NKAIN3: variants seen among roughly 807,000 people sequenced by gnomAD.
NKAIN3 encodes the protein sodium/potassium-transporting ATPase subunit beta-1-interacting protein 3.
In NKAIN3, 25 loss-of-function variants were observed where a neutral mutation model predicts 30.2. That is an observed-to-expected ratio of 0.83 (90% CI 0.60 to 1.16). The LOEUF is 1.16. NKAIN3 is among the 50% of genes most tolerant of loss of function. The probability of loss-of-function intolerance (pLI) is 0.00; values close to 1 mark genes in which losing one functional copy is unlikely to be tolerated. For synonymous variants in NKAIN3, 91 were observed against 89.6 expected (o/e 1.02, Z -0.09); for missense variants, 225 against 254.1 (o/e 0.89, Z 0.78).
chr8:62,565,308 G>T (rs1809714788), intron 1 of NKAIN3, among the ~76,000 whole-genome samples: 1 of 151,794 alleles, frequency 6.6e-6, no homozygotes, highest in African/African-American at 2.4e-5. Context: ...ATGTCCATAT[G>T]TATGTATGTA....
intron 1 of NKAIN3, among the ~76,000 whole-genome samples, chr8:62,435,613 G>A (rs905932376): frequency 8.5e-5 from 13 of 152,072 alleles, no homozygotes; most frequent in Admixed American, 7.2e-4. Flanking sequence ...CTGTGAGCAC[G>A]TATAAGGAGT....
chr8:62,918,753 T>G (rs1399211667), intron 5 of NKAIN3, among the ~76,000 whole-genome samples: 1 of 152,180 alleles, frequency 6.6e-6, no homozygotes, highest in Non-Finnish European at 1.5e-5. Flanking sequence ...GGACAAGGAC[T>G]GCTGTCATAT....
chr8:62,762,033 T>C (rs867977418), intron 4 of NKAIN3, among the ~76,000 whole-genome samples: 50 of 152,286 alleles, frequency 3.3e-4, no homozygotes, highest in African/African-American at 1.1e-3. Flanking sequence ...GGAAGTAGCA[T>C]TGCTGGACAT....
chr8:62,515,287 GTATA>G (rs1394902282), intron 1 of NKAIN3, among the ~76,000 whole-genome samples: 1 of 152,084 alleles, frequency 6.6e-6, no homozygotes, highest in Non-Finnish European at 1.5e-5. Context: ...CAAATAAAAA[GTATA>G]TATATTTATT....
intron 3 of NKAIN3, among the ~76,000 whole-genome samples, chr8:62,739,756 A>G (rs1200088156): frequency 1.3e-5 from 2 of 152,210 alleles, no homozygotes; most frequent in East Asian, 3.9e-4. Context: ...TCTATAATTA[A>G]TGGTAAAGAA....
intron 1 of NKAIN3, among the ~76,000 whole-genome samples, chr8:62,407,289 A>G (rs1040957284): frequency 3.3e-4 from 49 of 150,354 alleles, no homozygotes; most frequent in African/African-American, 8.5e-4. Context: ...ATATGTGTGT[A>G]TATATATATA....
chr8:62,705,282 AG>A (rs1486969546), intron 3 of NKAIN3, among the ~76,000 whole-genome samples: 1 of 152,206 alleles, frequency 6.6e-6, no homozygotes, highest in African/African-American at 2.4e-5. Flanking sequence ...TAAGAATTTC[AG>A]AGTTTAGTCT....
chr8:62,253,875 A>G (rs888038578), intron 1 of NKAIN3, among the ~76,000 whole-genome samples: 1 of 152,186 alleles, frequency 6.6e-6, no homozygotes, highest in Non-Finnish European at 1.5e-5. Context: ...CTATGTATTT[A>G]TACTGATACT....
chr8:62,621,001 G>A (rs74922117), intron 3 of NKAIN3, among the ~76,000 whole-genome samples: 4,483 of 152,232 alleles, frequency 0.029, 91 homozygotes, highest in Non-Finnish European at 0.042. Context: ...CTGAAACTAA[G>A]AGGCCTGGTA....
intron 1 of NKAIN3, among the ~76,000 whole-genome samples, chr8:62,270,407 C>A (rs376243075): frequency 6.6e-6 from 1 of 151,932 alleles, no homozygotes; most frequent in African/African-American, 2.4e-5. Context: ...GTACTTTCAG[C>A]TCATATGCAA....
At chr8:62,435,373 T>C (rs1318654226) in intron 1 of NKAIN3, among the ~76,000 whole-genome samples, 1 of 152,052 alleles carries the variant, frequency 6.6e-6, no homozygotes, top group Non-Finnish European at 1.5e-5. Flanking sequence ...CGTGTACTCT[T>C]ACCAAAAACC....
intron 1 of NKAIN3, among the ~76,000 whole-genome samples, chr8:62,385,023 T>A (rs1478736255): frequency 6.6e-6 from 1 of 152,136 alleles, no homozygotes; most frequent in Non-Finnish European, 1.5e-5. Flanking sequence ...TTTATTCATT[T>A]TGGGACCCTC....
At chr8:62,987,953 A>G (rs533683603), downstream of NKAIN3, among the ~76,000 whole-genome samples, 37 of 152,264 alleles carry the variant, frequency 2.4e-4, no homozygotes, top group Non-Finnish European at 5.1e-4. Context: ...CAAGGGGAGT[A>G]CAGGCATTGG....
intron 1 of NKAIN3, among the ~76,000 whole-genome samples, chr8:62,376,801 T>A (rs11779717): frequency 6.6e-6 from 1 of 152,158 alleles, no homozygotes; most frequent in African/African-American, 2.4e-5. Context: ...TAGGATAATT[T>A]AAATAGTAAA....
intron 4 of NKAIN3, among the ~76,000 whole-genome samples, chr8:62,752,985 G>A (rs997082701): frequency 6.6e-6 from 1 of 152,128 alleles, no homozygotes; most frequent in African/African-American, 2.4e-5. Flanking sequence ...CTCCAAGATT[G>A]TAACTCTATC....
At chr8:62,278,450 A>G (rs1258840550) in intron 1 of NKAIN3, among the ~76,000 whole-genome samples, 1 of 151,804 alleles carries the variant, frequency 6.6e-6, no homozygotes, top group Non-Finnish European at 1.5e-5. Flanking sequence ...ACATATGTAT[A>G]CATGTGCCAT....
At chr8:62,491,948 G>A (rs891405642) in intron 1 of NKAIN3, among the ~76,000 whole-genome samples, 14 of 152,192 alleles carry the variant, frequency 9.2e-5, no homozygotes, top group South Asian at 2.1e-4. Flanking sequence ...AGTAATGTCC[G>A]TTGTTCCTGA....
chr8:62,333,243 G>C (rs918679395), intron 1 of NKAIN3, among the ~76,000 whole-genome samples: 1 of 151,864 alleles, frequency 6.6e-6, no homozygotes, highest in Non-Finnish European at 1.5e-5. Flanking sequence ...TTGAATTTGT[G>C]GTTCATTTCA....
intron 3 of NKAIN3, among the ~76,000 whole-genome samples, chr8:62,723,874 A>C (rs1442130673): frequency 6.6e-6 from 1 of 152,168 alleles, no homozygotes; most frequent in Non-Finnish European, 1.5e-5. Flanking sequence ...AATCACAGAT[A>C]AGAGAAGAAG....
Sources: gnomAD v4.1 joint callset for allele counts (sites outside exome capture counted in the v4.1 genomes callset) on GRCh38, gnomAD v4.1.1 for gene constraint, MANE v1.5 for transcripts, NCBI Gene and HGNC (gene_info 2026-07-23, HGNC 2026-07-21) for gene names.